Variants in ADAM20 observed in about 807,000 individuals in gnomAD.
ADAM20 encodes the protein disintegrin and metalloproteinase domain-containing protein 20.
For missense variants in ADAM20, 871 were observed against 883.2 expected (o/e 0.99, Z 0.18); for synonymous variants, 305 against 310.2 (o/e 0.98, Z 0.18).
chr14:70,545,435 C>G, the ADAM20 span, among the ~76,000 whole-genome samples: 1 of 152,064 alleles, frequency 6.6e-6, no homozygotes, highest in African/African-American at 2.4e-5. Context: ...CTGACACCTG[C>G]CCAAAGAGGG....
chr14:70,524,161 A>G lies in ADAM20; in HGVS notation c.597T>C (p.Phe199=). 3 of 1,613,858 alleles carry G rather than the reference A, an allele frequency of 1.9e-6. No individual in the cohort carries two copies. Among genetic ancestry groups the G allele is most frequent in the African/African-American group, 1.3e-5 (1 of 75,058 alleles). ...SYNFTLKQSS[F]VGWWTHQRFV... ...ACCGCTGATGGGTCCACCAGCCCACAAAAGAACTTTGCTTCAGAGTGAAAT... is the reference window on the plus strand; with the variant it reads ...ACCGCTGATGGGTCCACCAGCCCACGAAAGAACTTTGCTTCAGAGTGAAAT... Residue 199 remains phenylalanine (F), a synonymous_variant, in exon 2 of 2, where the codon TTT becomes TTC. Transcript: ENST00000256389.
chr14:70,562,292 G>A, the ADAM20 span, among the ~76,000 whole-genome samples: 1 of 152,262 alleles, frequency 6.6e-6, no homozygotes, highest in African/African-American at 2.4e-5. Flanking sequence ...CCTTTGTGTT[G>A]GCCAATTTCT....
chr14:70,564,479 C>G, the ADAM20 span, among the ~76,000 whole-genome samples: 6 of 151,986 alleles, frequency 3.9e-5, no homozygotes, highest in African/African-American at 1.5e-4. Flanking sequence ...AATGTGCAGA[C>G]ATGAATACAA....
the ADAM20 span, among the ~76,000 whole-genome samples, chr14:70,544,133 A>G: frequency 6.6e-6 from 1 of 151,916 alleles, no homozygotes; most frequent in African/African-American, 2.4e-5. Context: ...CAACCCCGCC[A>G]TAAACTTCTC....
the ADAM20 span, among the ~76,000 whole-genome samples, chr14:70,557,743 C>A: frequency 6.9e-6 from 1 of 145,442 alleles, no homozygotes; most frequent in Non-Finnish European, 1.5e-5. Context: ...CATAAACTTT[C>A]TTAAAACATT....
chr14:70,531,580 G>A lies in ADAM20; in HGVS notation c.-177+3217C>T, dbSNP rs141005722. On this transcript the variant is annotated intron_variant, in intron 1 of 1. Transcript: ENST00000256389. ...AAGAAGTAAAATGATCTATGTTCAC[G>A]GATGACTTGATCTGTAGAAAACTCT... Among the ~76,000 whole-genome samples the A allele has an allele frequency of 5.3e-3, 801 of 152,110 alleles. 6 individuals carry two copies. Among genetic ancestry groups the A allele is most frequent in the African/African-American group, 0.018 (744 of 41,534 alleles).
chr14:70,569,647 C>T, the ADAM20 span, among the ~76,000 whole-genome samples: 1 of 151,820 alleles, frequency 6.6e-6, no homozygotes, highest in Non-Finnish European at 1.5e-5. Context: ...ATAAAACAGA[C>T]TTTAAATGAA....
the ADAM20 span, among the ~76,000 whole-genome samples, chr14:70,572,291 G>C: frequency 6.6e-6 from 1 of 152,052 alleles, no homozygotes; most frequent in South Asian, 2.1e-4. Flanking sequence ...CAGAAATAAA[G>C]CCACACCTCT....
intron 1 of ADAM20, among the ~76,000 whole-genome samples, chr14:70,533,092 A>T (rs1883748242): frequency 6.6e-6 from 1 of 152,204 alleles, no homozygotes; most frequent in South Asian, 2.1e-4. Context: ...TTAAAAAGTC[A>T]GGAAATAACA....
chr14:70,566,388 G>T, the ADAM20 span, among the ~76,000 whole-genome samples: 1 of 152,022 alleles, frequency 6.6e-6, no homozygotes, highest in East Asian at 1.9e-4. Context: ...ATATGTTTAT[G>T]TAAGTCCCAT....
At chr14:70,568,655 A>G in the ADAM20 span, among the ~76,000 whole-genome samples, 1 of 152,356 alleles carries the variant, frequency 6.6e-6, no homozygotes, top group African/African-American at 2.4e-5. Flanking sequence ...GGTATGAAAG[A>G]CAAGATAGCT....
the ADAM20 span, among the ~76,000 whole-genome samples, chr14:70,545,549 C>A: frequency 2.0e-5 from 3 of 150,982 alleles, no homozygotes; most frequent in Non-Finnish European, 4.4e-5. Flanking sequence ...CAATGGAAAC[C>A]AAAAAAGAGC....
the ADAM20 span, among the ~76,000 whole-genome samples, chr14:70,579,444 C>T: frequency 2.0e-5 from 3 of 152,176 alleles, no homozygotes; most frequent in Non-Finnish European, 2.9e-5. Flanking sequence ...TAATATTAAG[C>T]ATTTTTTTCG....
At chr14:70,577,408 A>G in the ADAM20 span, among the ~76,000 whole-genome samples, 4 of 152,332 alleles carry the variant, frequency 2.6e-5, no homozygotes, top group East Asian at 5.8e-4. Flanking sequence ...TCCTCCCAAA[A>G]AAGTACATAT....
At chr14:70,577,073 C>T in the ADAM20 span, among the ~76,000 whole-genome samples, 4 of 152,102 alleles carry the variant, frequency 2.6e-5, no homozygotes, top group African/African-American at 4.8e-5. Context: ...TTCCAGGAAC[C>T]GCACTGTTTG....
At chr14:70,555,427 G>A in the ADAM20 span, among the ~76,000 whole-genome samples, 1 of 152,044 alleles carries the variant, frequency 6.6e-6, no homozygotes, top group African/African-American at 2.4e-5. Context: ...TTAAAAAAAG[G>A]TGAAAAATCA....
chr14:70,523,421 G>T lies in ADAM20; in HGVS notation c.1337C>A (p.Ala446Asp), dbSNP rs1216108373. ...LLNCTLHPGA[A>D]CAFGICCKDC... ...TTTGCAACATATTCCAAAAGCACAA[G>T]CAGCCCCAGGATGTAGAGTACAGTT... The change falls in exon 2 of 2, where the codon GCT becomes GAT. Residue 446 changes from alanine (A) to aspartate (D), a missense_variant. Transcript: ENST00000256389. 3.1e-6 allele frequency: 5 copies of T among 1,613,904 alleles called. No individual in the cohort carries two copies. In the Admixed American group the frequency reaches 8.3e-5, roughly 27 times the overall value.
At chr14:70,554,233 G>A in the ADAM20 span, among the ~76,000 whole-genome samples, 1 of 152,180 alleles carries the variant, frequency 6.6e-6, no homozygotes, top group Non-Finnish European at 1.5e-5. Flanking sequence ...GATAACAAAT[G>A]TTGGTGTGGA....
At chr14:70,572,409 TA>T in the ADAM20 span, among the ~76,000 whole-genome samples, 14 of 151,994 alleles carry the variant, frequency 9.2e-5, no homozygotes, top group Non-Finnish European at 1.6e-4. Flanking sequence ...AAAGAAGAAT[TA>T]AACTGGACTT....
Sources: gnomAD v4.1 joint callset for allele counts (sites outside exome capture counted in the v4.1 genomes callset) on GRCh38, gnomAD v4.1.1 for gene constraint, MANE v1.5 for transcripts, NCBI Gene and HGNC (gene_info 2026-07-23, HGNC 2026-07-21) for gene names.